RAD51B: variants seen among roughly 807,000 people sequenced by gnomAD.
The protein encoded by RAD51B is RAD51 paralog B, also known as DNA repair protein RAD51 homolog 2.
RAD51B carries 38 observed loss-of-function variants against 42.2 expected under a neutral mutation model. That is an observed-to-expected ratio of 0.90 (90% CI 0.70 to 1.18). The LOEUF is 1.18. Among genes scored for constraint, RAD51B ranks in the 50% most tolerant of loss-of-function variants. RAD51B has a pLI of 0.00. For missense variants in RAD51B, 373 were observed against 400.7 expected (o/e 0.93, Z 0.59); for synonymous variants, 154 against 145.2 (o/e 1.06, Z -0.43).
At chr14:68,018,665 A>G (rs2075816359) in intron 7 of RAD51B, among the ~76,000 whole-genome samples, 1 of 152,156 alleles carries the variant, frequency 6.6e-6, no homozygotes, top group South Asian at 2.1e-4. Context: ...ATTTTACTTG[A>G]AGACTTAAAC....
intron 8 of RAD51B, among the ~76,000 whole-genome samples, chr14:68,337,503 C>T (rs1258200727): frequency 3.3e-5 from 5 of 152,188 alleles, no homozygotes. Flanking sequence ...TCTTTCTTCC[C>T]TATTGGCATG....
intron 7 of RAD51B, among the ~76,000 whole-genome samples, chr14:68,281,135 A>T (rs1196453101): frequency 6.6e-6 from 1 of 152,160 alleles, no homozygotes; most frequent in Non-Finnish European, 1.5e-5. Flanking sequence ...TTAGGGCTAG[A>T]ATAGTTAGCA....
intron 7 of RAD51B, among the ~76,000 whole-genome samples, chr14:68,035,811 C>G (rs1202304764): frequency 6.6e-6 from 1 of 152,146 alleles, no homozygotes; most frequent in East Asian, 1.9e-4. Context: ...GAAGCCAGGC[C>G]TTAGAAATCA....
At chr14:67,853,469 G>A (rs1477252014) in intron 4 of RAD51B, among the ~76,000 whole-genome samples, 1 of 152,184 alleles carries the variant, frequency 6.6e-6, no homozygotes, top group Non-Finnish European at 1.5e-5. Flanking sequence ...AGTCAAAACT[G>A]ACTTGCAGTG....
chr14:68,669,296 G>A (rs1893101685), intron 11 of RAD51B, among the ~76,000 whole-genome samples: 1 of 152,122 alleles, frequency 6.6e-6, no homozygotes, highest in Non-Finnish European at 1.5e-5. Context: ...GAAATATGTA[G>A]GCCCCCTGAG....
At chr14:68,120,802 G>C (rs1182296586) in intron 7 of RAD51B, among the ~76,000 whole-genome samples, 1 of 152,128 alleles carries the variant, frequency 6.6e-6, no homozygotes, top group Non-Finnish European at 1.5e-5. Context: ...CCAGGCTCTA[G>C]TTCATTAAGG....
chr14:68,239,427 C>T (rs925697310), intron 7 of RAD51B, among the ~76,000 whole-genome samples: 6 of 152,162 alleles, frequency 3.9e-5, no homozygotes, highest in Admixed American at 1.3e-4. Flanking sequence ...TCTCATCACA[C>T]GCTGATCCTC....
chr14:68,620,276 C>A (rs1472315549), intron 10 of RAD51B, among the ~76,000 whole-genome samples: 1 of 152,176 alleles, frequency 6.6e-6, no homozygotes, highest in African/African-American at 2.4e-5. Context: ...TCCAGAGATT[C>A]CCAAGTGAGT....
chr14:68,360,588 A>G (rs2083003745), intron 8 of RAD51B, among the ~76,000 whole-genome samples: 1 of 152,232 alleles, frequency 6.6e-6, no homozygotes, highest in Non-Finnish European at 1.5e-5. Context: ...TCTACATCGT[A>G]TATGATATTG....
chr14:68,594,881 C>T (rs1341728501), exon 11 of RAD51B: 2 of 1,108,940 alleles, frequency 1.8e-6, no homozygotes, highest in African/African-American at 3.2e-5. Context: ...ATGCCCTCCA[C>T]CATGGAGTAC....
At chr14:68,605,828 C>A (rs1294234944) in intron 10 of RAD51B, among the ~76,000 whole-genome samples, 1 of 152,242 alleles carries the variant, frequency 6.6e-6, no homozygotes, top group Non-Finnish European at 1.5e-5. Context: ...CTCCACCCGC[C>A]CCTAACCTCT....
At chr14:68,631,644 T>G (rs895167341) in intron 10 of RAD51B, among the ~76,000 whole-genome samples, 1 of 152,178 alleles carries the variant, frequency 6.6e-6, no homozygotes, top group Admixed American at 6.5e-5. Flanking sequence ...TTTTCCTCTT[T>G]GGGCACTCGT....
intron 10 of RAD51B, among the ~76,000 whole-genome samples, chr14:68,554,857 T>A (rs978975596): frequency 2.8e-5 from 4 of 142,534 alleles, no homozygotes; most frequent in Non-Finnish European, 6.3e-5. Context: ...TTAAAAAGTT[T>A]TTTTTTTTTT....
chr14:68,542,768 A>G (rs989986848), intron 10 of RAD51B, among the ~76,000 whole-genome samples: 2 of 152,182 alleles, frequency 1.3e-5, no homozygotes, highest in Non-Finnish European at 2.9e-5. Flanking sequence ...TCTCTGGGGC[A>G]TGCATCCTAT....
chr14:68,564,440 G>A (rs184139111), intron 10 of RAD51B, among the ~76,000 whole-genome samples: 15 of 152,324 alleles, frequency 9.8e-5, no homozygotes, highest in East Asian at 9.7e-4. Context: ...GAAGCTGGGC[G>A]ATGCCTCCCA....
chr14:68,119,692 C>T (rs1272193699), intron 7 of RAD51B, among the ~76,000 whole-genome samples: 1 of 151,108 alleles, frequency 6.6e-6, no homozygotes, highest in Non-Finnish European at 1.5e-5. Flanking sequence ...TGTATATGTG[C>T]CACATTTTCT....
intron 7 of RAD51B, among the ~76,000 whole-genome samples, chr14:67,928,990 T>C (rs543525028): frequency 6.6e-6 from 1 of 152,268 alleles, no homozygotes; most frequent in Admixed American, 6.5e-5. Context: ...ATTTGGGACG[T>C]CTCTTCTTTT....
At chr14:68,585,335 G>A (rs1287652172) in intron 10 of RAD51B, among the ~76,000 whole-genome samples, 1 of 152,176 alleles carries the variant, frequency 6.6e-6, no homozygotes, top group Admixed American at 6.5e-5. Flanking sequence ...CAGGGAGGCC[G>A]GCTCCTTTTG....
At chr14:68,040,894 A>G (rs141358012) in intron 7 of RAD51B, among the ~76,000 whole-genome samples, 3 of 152,336 alleles carry the variant, frequency 2.0e-5, no homozygotes, top group African/African-American at 4.8e-5. Flanking sequence ...TTTGAGAAGC[A>G]CTGAGCTTAA....
Sources: gnomAD v4.1 joint callset for allele counts (sites outside exome capture counted in the v4.1 genomes callset) on GRCh38, gnomAD v4.1.1 for gene constraint, MANE v1.5 for transcripts, NCBI Gene and HGNC (gene_info 2026-07-23, HGNC 2026-07-21) for gene names.